The following XRCC4 variants were observed in gnomAD, a reference collection of about 807,000 sequenced individuals.
The protein encoded by XRCC4 is DNA repair protein XRCC4.
In XRCC4, 28 loss-of-function variants were observed where a neutral mutation model predicts 39.1. The observed-to-expected ratio is 0.72, with a 90% CI of 0.53 to 0.98. The LOEUF is 0.98. XRCC4 is among the 50% of genes least tolerant of loss of function. XRCC4 has a pLI of 0.00. For missense variants in XRCC4, 350 were observed against 376.4 expected (o/e 0.93, Z 0.58); for synonymous variants, 123 against 126.4 (o/e 0.97, Z 0.18).
intron 7 of XRCC4, among the ~76,000 whole-genome samples, chr5:83,299,940 T>G (rs1755219000): frequency 6.6e-6 from 1 of 152,186 alleles, no homozygotes; most frequent in Admixed American, 6.5e-5. Context: ...ATGAGTGAAG[T>G]GATTATTTAT....
At chr5:83,196,088 C>G in intron 4 of XRCC4, 152 bp downstream of exon 4, 1 of 737,116 alleles carries the variant, frequency 1.4e-6, no homozygotes, top group Non-Finnish European at 2.0e-6. Flanking sequence ...TTATTCATCA[C>G]TATTGTATAT....
chr5:83,302,050 C>T (rs1342777775), intron 7 of XRCC4, among the ~76,000 whole-genome samples: 2 of 152,074 alleles, frequency 1.3e-5, no homozygotes, highest in African/African-American at 4.8e-5. Flanking sequence ...ATGGCAGATG[C>T]CCCTCCCCCT....
In XRCC4 at chr5:83,195,964, A is replaced by C. The variant is rs768263559; in HGVS notation, c.482+28A>C. ...GTGTACACAGTTTGCTTGTGGTATA[A>C]AAATACGGAGCCCTCTTTATGTTGT... On this transcript the variant is annotated intron_variant, in intron 4 of 7. Transcript: ENST00000396027. 2.0e-6 allele frequency: 3 copies of C among 1,538,350 alleles called. No individual in the cohort carries two copies. The South Asian group carries it at 3.9e-5, about 20-fold the overall frequency.
At chr5:83,184,364 T>G (rs371889870) in intron 3 of XRCC4, among the ~76,000 whole-genome samples, 1 of 152,226 alleles carries the variant, frequency 6.6e-6, no homozygotes, top group East Asian at 1.9e-4. Context: ...TAATAATGCC[T>G]TTTAACCAAT....
intron 3 of XRCC4, among the ~76,000 whole-genome samples, chr5:83,130,675 G>A (rs1162773285): frequency 3.9e-5 from 6 of 152,032 alleles, no homozygotes; most frequent in Admixed American, 3.3e-4. Context: ...CAGGGATTCA[G>A]CTTCTTCCTG....
chr5:83,343,450 C>T (rs1756823118), intron 7 of XRCC4, among the ~76,000 whole-genome samples: 1 of 152,080 alleles, frequency 6.6e-6, no homozygotes, highest in Non-Finnish European at 1.5e-5. Context: ...CAGTATTCTT[C>T]CAGGCTATTC....
At chr5:83,115,286 G>A (rs1746656036) in intron 3 of XRCC4, among the ~76,000 whole-genome samples, 1 of 152,148 alleles carries the variant, frequency 6.6e-6, no homozygotes, top group Non-Finnish European at 1.5e-5. Flanking sequence ...AATTAGCTGT[G>A]CATGGTGGCG....
At chr5:83,294,774 A>G (rs1164810311) in intron 7 of XRCC4, among the ~76,000 whole-genome samples, 1 of 152,072 alleles carries the variant, frequency 6.6e-6, no homozygotes, top group Non-Finnish European at 1.5e-5. Context: ...TTAGGTATTC[A>G]TAATTTACTA....
intron 3 of XRCC4, among the ~76,000 whole-genome samples, chr5:83,112,117 C>CGGTGGTCG: frequency 6.6e-6 from 1 of 151,312 alleles, no homozygotes; most frequent in Middle Eastern, 3.7e-3. Flanking sequence ...AGAGAAACTA[C>CGGTGGTCG]CCTTAGTAAT....
chr5:83,219,758 T>C (rs1166803454), intron 6 of XRCC4, among the ~76,000 whole-genome samples: 1 of 152,192 alleles, frequency 6.6e-6, no homozygotes, highest in East Asian at 1.9e-4. Flanking sequence ...AGGAATGTAG[T>C]ATGTCTCATT....
At chr5:83,303,217 A>C (rs1013979255) in intron 7 of XRCC4, among the ~76,000 whole-genome samples, 2 of 150,408 alleles carry the variant, frequency 1.3e-5, no homozygotes, top group South Asian at 4.2e-4. Context: ...CGTCTCAAAA[A>C]AAAAAAAAAA....
intron 6 of XRCC4, among the ~76,000 whole-genome samples, chr5:83,221,665 G>A (rs2112789282): frequency 6.6e-6 from 1 of 152,060 alleles, no homozygotes; most frequent in Admixed American, 6.5e-5. Flanking sequence ...GTTACAATTT[G>A]ATGGCAGAGC....
intron 5 of XRCC4, among the ~76,000 whole-genome samples, chr5:83,204,270 G>A (rs1751332252): frequency 6.6e-6 from 1 of 152,096 alleles, no homozygotes; most frequent in South Asian, 2.1e-4. Context: ...ATACAAGTTA[G>A]GGTCTGTTGC....
In XRCC4 at chr5:83,110,899, A is replaced by G. The variant is rs955027552; in HGVS notation, c.140-129A>G. The G allele has an allele frequency of 3.3e-5, 28 of 837,582 alleles. No homozygotes were observed. In the African/African-American group the frequency reaches 4.6e-4, roughly 14 times the overall value. 51.9% of individuals were successfully genotyped at this position (837,582 alleles called of 1,614,324 possible). On this transcript the variant is annotated intron_variant, in intron 2 of 7. Coordinates refer to ENST00000396027, the MANE Select transcript of XRCC4 (RefSeq NM_003401.5). ...ATAATTTGATTTAAAAATGTGTAGT[A>G]TAGGGATTGATTTTACTTGTTTGAA...
chr5:83,345,489 A>T (rs1162715692), intron 7 of XRCC4, among the ~76,000 whole-genome samples: 1 of 152,180 alleles, frequency 6.6e-6, no homozygotes, highest in Admixed American at 6.5e-5. Flanking sequence ...TTGAGTTTTT[A>T]AATTTAAAAT....
intron 6 of XRCC4, among the ~76,000 whole-genome samples, chr5:83,209,377 A>G (rs915791431): frequency 2.0e-5 from 3 of 152,086 alleles, no homozygotes; most frequent in African/African-American, 7.2e-5. Flanking sequence ...ACCATATCAG[A>G]TATAATCTAA....
chr5:83,206,658 A>G (rs1751433733), intron 6 of XRCC4, among the ~76,000 whole-genome samples: 1 of 152,104 alleles, frequency 6.6e-6, no homozygotes, highest in African/African-American at 2.4e-5. Context: ...GATAAAGAAA[A>G]GTATTTTTGT....
In XRCC4 at chr5:83,080,054, C is replaced by G. The variant is rs146102664; in HGVS notation, c.-11+2439C>G. Among the ~76,000 whole-genome samples, 138 of 152,226 alleles carry G rather than the reference C, an allele frequency of 9.1e-4. 2 individuals carry two copies. In the East Asian group the frequency reaches 0.023, roughly 25 times the overall value. ...ACAGTAAGCACTCAGAAAGTGTTGG[C>G]TATTACTGTGCATGGCTTTGTCTTT... On this transcript the variant is annotated intron_variant, in intron 1 of 7. Transcript: ENST00000396027.
intron 1 of XRCC4, among the ~76,000 whole-genome samples, chr5:83,093,496 C>T (rs933016957): frequency 1.3e-5 from 2 of 152,088 alleles, no homozygotes; most frequent in Non-Finnish European, 1.5e-5. Context: ...ATCTTAACAC[C>T]AACAGGATAC....
Sources: gnomAD v4.1 joint callset for allele counts (sites outside exome capture counted in the v4.1 genomes callset) on GRCh38, gnomAD v4.1.1 for gene constraint, MANE v1.5 for transcripts, NCBI Gene and HGNC (gene_info 2026-07-23, HGNC 2026-07-21) for gene names.